BEND5: variants seen among roughly 807,000 people sequenced by gnomAD.
BEND5 encodes BEN domain containing 5.
A neutral mutation model predicts 43.9 loss-of-function variants in BEND5; 22 were observed. The ratio of observed to expected loss-of-function variants is 0.50; its 90% CI spans 0.36 to 0.72. The LOEUF (loss-of-function observed/expected upper bound fraction) is 0.72, where lower values mean the gene tolerates loss of function less well. Among genes scored for constraint, BEND5 ranks in the 30% least tolerant of loss-of-function variants. The probability of loss-of-function intolerance (pLI) is 0.00; values close to 1 mark genes in which losing one functional copy is unlikely to be tolerated. For synonymous variants in BEND5, 228 were observed against 225.9 expected (o/e 1.01, Z -0.08); for missense variants, 428 against 550.6 (o/e 0.78, Z 2.23).
At chr1:48,768,762 AG>A (rs1644658940) in intron 1 of BEND5, among the ~76,000 whole-genome samples, 1 of 152,236 alleles carries the variant, frequency 6.6e-6, no homozygotes. Flanking sequence ...TGCTTTGTAA[AG>A]GTCTTATAAA....
chr1:48,759,051 G>A lies in BEND5; in HGVS notation c.594C>T (p.Arg198=). 1 of 1,613,874 alleles carries A rather than the reference G, an allele frequency of 6.2e-7. No individual in the cohort carries two copies. The highest frequency in any genetic ancestry group is 8.5e-7 in the Non-Finnish European group (1 of 1,179,946). Reference sequence around the variant, plus strand: ...TCCGCTCCAGCTCCTGCTGGAGGTGGCGCATCTCTTCCTGTTGCTGCTGGT... The same window carrying A: ...TCCGCTCCAGCTCCTGCTGGAGGTGACGCATCTCTTCCTGTTGCTGCTGGT... ...RNYQQQQEEM[R]HLQQELERTR... is the part of the protein sequence containing the mutation. The change falls in exon 3 of 6, where the codon CGC becomes CGT. Residue 198 remains arginine, a synonymous_variant. Coordinates refer to ENST00000371833, the MANE Select transcript of BEND5 (RefSeq NM_024603.4).
chr1:48,747,470 C>T (rs1407213555), intron 3 of BEND5, among the ~76,000 whole-genome samples: 2 of 152,188 alleles, frequency 1.3e-5, no homozygotes, highest in Non-Finnish European at 2.9e-5. Flanking sequence ...GCAAGAGGCA[C>T]TGGGGACCCA....
chr1:48,759,262 C>T lies in BEND5; in HGVS notation c.383G>A (p.Ser128Asn). Residue 128 changes from serine to asparagine, a missense_variant, in exon 3 of 6, where the codon AGC becomes AAC. Transcript: ENST00000371833. ...HIKRPEGRKP[S>N]EVAHKSIEAV... ...CTCGATGCTCTTGTGCGCCACTTCG[C>T]TCGGCTTCCGCCCCTCAGGTCTCTG... 2 of 1,563,488 alleles carry T rather than the reference C, an allele frequency of 1.3e-6. No homozygotes were observed. Among genetic ancestry groups the T allele is most frequent in the Admixed American group, 1.9e-5 (1 of 52,214 alleles).
intron 3 of BEND5, among the ~76,000 whole-genome samples, chr1:48,749,356 T>C (rs1651292326): frequency 1.3e-5 from 2 of 152,144 alleles, no homozygotes; most frequent in Admixed American, 1.3e-4. Context: ...CCCAGCGCAA[T>C]GTCCTCCATA....
intron 3 of BEND5, among the ~76,000 whole-genome samples, chr1:48,752,024 T>G (rs1651820675): frequency 6.6e-6 from 1 of 152,212 alleles, no homozygotes; most frequent in Admixed American, 6.5e-5. Flanking sequence ...TTCTTATTAC[T>G]AGGTCTCTTC....
chr1:48,769,131 C>T (rs1023768737), intron 1 of BEND5, among the ~76,000 whole-genome samples: 12 of 152,180 alleles, frequency 7.9e-5, no homozygotes, highest in African/African-American at 2.9e-4. Flanking sequence ...AGCTATGTGA[C>T]CGCTGGCCAG....
chr1:48,744,998 G>A (rs1209761319), intron 3 of BEND5, among the ~76,000 whole-genome samples: 2 of 22,446 alleles, frequency 8.9e-5, no homozygotes, highest in Non-Finnish European at 5.6e-4. Context: ...TCCCAGGTAG[G>A]GGGGGTCTCT....
At chr1:48,762,533 C>T (rs1352125165) in intron 1 of BEND5, among the ~76,000 whole-genome samples, 2 of 151,886 alleles carry the variant, frequency 1.3e-5, no homozygotes, top group African/African-American at 4.8e-5. Flanking sequence ...TGGTGTATCC[C>T]AAATGCGTTT....
Position 48,736,373 on chromosome 1 carries a change from G to A in BEND5, c.974C>T (p.Thr325Met), listed in dbSNP as rs903388678. The A allele has an allele frequency of 6.2e-7, 1 of 1,613,930 alleles. No individual in the cohort carries two copies. The highest frequency in any genetic ancestry group is 2.2e-5 in the East Asian group (1 of 44,870). Residue 325 changes from threonine (T) to methionine (M), a missense_variant, in exon 5 of 6, where the codon ACG becomes ATG. Around this residue, in one of 4 missense-constraint regions of BEND5, gnomAD observed 75 missense variants for 148.5 expected, o/e 0.50. Coordinates refer to ENST00000371833, the MANE Select transcript of BEND5 (RefSeq NM_024603.4). The surrounding 1 kb of genome is among the most constrained non-coding windows in gnomAD (Gnocchi z 4.0). ...LQVTQGDSKY[T>M]KNLAVMIWGT... ...CCAAATCATAACTGCCAAGTTCTTCGTGTACTTGGAATCTCCTTGGGTTAC... is the reference window on the plus strand; with the variant it reads ...CCAAATCATAACTGCCAAGTTCTTCATGTACTTGGAATCTCCTTGGGTTAC...
intron 1 of BEND5, among the ~76,000 whole-genome samples, chr1:48,767,281 G>C (rs1445785191): frequency 1.3e-5 from 2 of 152,170 alleles, no homozygotes; most frequent in Admixed American, 6.5e-5. Flanking sequence ...TTTCCAAAGA[G>C]ATAGTGCATG....
At chr1:48,761,211 A>G in intron 2 of BEND5, 126 bp downstream of exon 2, 1 of 1,107,750 alleles carries the variant, frequency 9.0e-7, no homozygotes. Context: ...ACTACCCTGA[A>G]AAAATCATAG....
intron 3 of BEND5, among the ~76,000 whole-genome samples, chr1:48,746,100 T>C (rs1650702278): frequency 6.6e-6 from 1 of 152,180 alleles, no homozygotes; most frequent in Non-Finnish European, 1.5e-5. Flanking sequence ...ACCTCTCTGA[T>C]CTTGTTGTGT....
chr1:48,731,707 G>C (rs189154043), intron 5 of BEND5, among the ~76,000 whole-genome samples: 23 of 152,324 alleles, frequency 1.5e-4, no homozygotes, highest in Admixed American at 7.2e-4. Context: ...AACAAGGCTT[G>C]TTCACGAAAT....
At chr1:48,730,194 A>C (rs1225936126) in intron 5 of BEND5, among the ~76,000 whole-genome samples, 1 of 152,036 alleles carries the variant, frequency 6.6e-6, no homozygotes, top group African/African-American at 2.4e-5. Flanking sequence ...GTTTCCCCCC[A>C]ACAGACTGGG....
chr1:48,732,839 G>A (rs536919197), intron 5 of BEND5, among the ~76,000 whole-genome samples: 3 of 152,280 alleles, frequency 2.0e-5, no homozygotes, highest in East Asian at 1.9e-4. Flanking sequence ...TAGGATCAGC[G>A]AGAAGATGGC....
intron 5 of BEND5, among the ~76,000 whole-genome samples, chr1:48,729,937 CCT>C (rs1423076726): frequency 6.6e-6 from 1 of 152,154 alleles, no homozygotes; most frequent in East Asian, 1.9e-4. Flanking sequence ...TCCAGTCCCA[CCT>C]CTGCTATATT....
chr1:48,742,528 T>G, intron 4 of BEND5, 95 bp downstream of exon 4: 1 of 1,275,428 alleles, frequency 7.8e-7, no homozygotes. Flanking sequence ...GGCCAACCAG[T>G]CAAGCTGCGA....
In BEND5 at chr1:48,740,958, A is replaced by G. The variant is rs141985329; in HGVS notation, c.894+1665T>C. On this transcript the variant is annotated intron_variant, in intron 4 of 5. Transcript: ENST00000371833. ...GCAACATGCTGGCAAAAACCAATGAAAAAACAAAATAGGCATTTTCAAGAT... is the reference window on the plus strand; with the variant it reads ...GCAACATGCTGGCAAAAACCAATGAGAAAACAAAATAGGCATTTTCAAGAT... Among the ~76,000 whole-genome samples the G allele has an allele frequency of 4.8e-3, 736 of 152,356 alleles. 14 individuals carry two copies. The highest frequency in any genetic ancestry group is 0.039 in the East Asian group (203 of 5,180).
chr1:48,730,881 G>A (rs141857682), intron 5 of BEND5, among the ~76,000 whole-genome samples: 82 of 152,250 alleles, frequency 5.4e-4, no homozygotes, highest in Non-Finnish European at 1.0e-3. Flanking sequence ...TCCACAAAAG[G>A]TCATTTGACC....
Sources: gnomAD v4.1 joint callset for allele counts (sites outside exome capture counted in the v4.1 genomes callset) on GRCh38, gnomAD v4.1.1 for gene constraint, gnomAD v4.1.1 regional missense constraint, Gnocchi (gnomAD v3.1) non-coding constraint, MANE v1.5 for transcripts, NCBI Gene and HGNC (gene_info 2026-07-23, HGNC 2026-07-21) for gene names.